Variants in OPN1SW observed in about 807,000 individuals in gnomAD.
The protein encoded by OPN1SW is opsin 1, short wave sensitive.
OPN1SW carries 25 observed loss-of-function variants against 31.9 expected under a neutral mutation model. The observed-to-expected ratio is 0.78, with a 90% CI of 0.57 to 1.09. The LOEUF is 1.09. Ranked by LOEUF, OPN1SW falls within the 50% of genes least tolerant of loss-of-function variation. The pLI, the probability that OPN1SW is intolerant of heterozygous loss-of-function variation, is 0.00. For synonymous variants in OPN1SW, 190 were observed against 171.9 expected, an observed-to-expected ratio of 1.11 and a Z score of -0.82; for missense variants, 424 against 448.0, an observed-to-expected ratio of 0.95 and a Z score of 0.48.
At chr7:128,775,402 C>A (rs1801739071) in intron 1 of OPN1SW, 37 bp downstream of exon 1, 2 of 1,587,418 alleles carry the variant, frequency 1.3e-6, no homozygotes, top group Admixed American at 3.4e-5. Context: ...GAGTAGCAAC[C>A]TTTGCCTTCC....
intron 3 of OPN1SW, 152 bp from the exon 4 acceptor site, chr7:128,774,040 G>T (rs1801700169): frequency 9.2e-7 from 1 of 1,089,198 alleles, no homozygotes; most frequent in Non-Finnish European, 1.3e-6. Context: ...TGCAGTCTCG[G>T]CTCACTGAAC....
At chr7:128,772,796 TC>T in intron 4 of OPN1SW, 137 bp from the exon 5 acceptor site, 2 of 1,141,474 alleles carry the variant, frequency 1.8e-6, no homozygotes, top group South Asian at 1.3e-5. Context: ...GAATCTATCT[TC>T]CCCATCCTGA....
Position 128,774,663 on chromosome 7 carries a change from C to T in OPN1SW, c.513G>A (p.Arg171=). 1.2e-6 allele frequency: 2 copies of T among 1,614,110 alleles called. No individual in the cohort carries two copies. The highest frequency in any genetic ancestry group is 1.7e-6 in the Non-Finnish European group (2 of 1,180,024). Residue 171 remains arginine (R), a splice_region_variant and synonymous_variant, in exon 3 of 5, where the codon CGG becomes CGA. Coordinates refer to ENST00000249389, the MANE Select transcript of OPN1SW (RefSeq NM_001385125.1). ...VSIPPFFGWS[R]FIPEGLQCSC... The stretch of plus-strand genomic sequence containing the variant: ...AACACTGCAGGCCCTCAGGGATGAA[C>T]CTGCAAAGGACCAAACACTTGCTCA...
rs1319861973 is a variant in OPN1SW at position 128,775,446 on chromosome 7, A to C, written c.336T>G (p.Thr112=). 1 of 1,613,334 alleles carries C rather than the reference A, an allele frequency of 6.2e-7. No individual in the cohort carries two copies. The highest frequency in any genetic ancestry group is 8.5e-7 in the Non-Finnish European group (1 of 1,179,562). Residue 112 remains threonine (T), a synonymous_variant, in exon 1 of 5, where the codon ACT becomes ACG. Transcript: ENST00000249389. ...HVCALEGFLG[T]VAGLVTGWSL... is the part of the protein sequence containing the mutation. ...CTTTTTCCCCTGCAGTACCTGCTAC[A>C]GTGCCCAGGAAGCCCTCCAAAGCAC...
In OPN1SW at chr7:128,772,618, C is replaced by T. The variant is rs755147227; in HGVS notation, c.960G>A (p.Met320Ile). ...CIMKMVCGKA[M>I]TDESDTCSSQ... ...AGCTGCATGTGTCGGATTCATCTGT[C>T]ATGGCCTTCCCACACACCATCTTCA... is the stretch of plus-strand genomic sequence containing the variant. The change falls in exon 5 of 5, where the codon ATG becomes ATA. Residue 320 changes from methionine to isoleucine, a missense_variant. Met to Ile is a conservative substitution (Grantham distance 10, BLOSUM62 1). Transcript: ENST00000249389. 5.6e-6 allele frequency: 9 copies of T among 1,614,152 alleles called. No homozygotes were observed. Among genetic ancestry groups the T allele is most frequent in the Non-Finnish European group, 2.5e-6 (3 of 1,180,024 alleles).
At chr7:128,774,919 A>G in intron 2 of OPN1SW, 67 bp downstream of exon 2, 1 of 1,598,108 alleles carries the variant, frequency 6.3e-7, no homozygotes, top group Non-Finnish European at 8.6e-7. Context: ...GTTATACCCA[A>G]GCTCTCTTTC....
intron 1 of OPN1SW, 111 bp from the exon 2 acceptor site, chr7:128,775,265 ATTTGG>A: frequency 7.5e-7 from 1 of 1,339,804 alleles, no homozygotes; most frequent in Non-Finnish European, 1.0e-6. Flanking sequence ...CTGGACTGAC[ATTTGG>A]AGTGAAGACT....
chr7:128,774,170 G>A (rs547828333), intron 3 of OPN1SW, among the ~76,000 whole-genome samples: 1 of 152,158 alleles, frequency 6.6e-6, no homozygotes, highest in African/African-American at 2.4e-5. Flanking sequence ...TGTAGGCCAG[G>A]CTGGTCTGGA....
rs1419872501 is a variant in OPN1SW at position 128,774,531 on chromosome 7, G to A, written c.645C>T (p.Phe215=). The A allele has an allele frequency of 6.2e-7, 1 of 1,614,066 alleles. No individual in the cohort carries two copies. The highest frequency in any genetic ancestry group is 1.7e-5 in the Admixed American group (1 of 60,024). Residue 215 remains phenylalanine (F), a synonymous_variant, in exon 3 of 5, where the codon TTC becomes TTT. Transcript: ENST00000249389. ...CFIVPLSLIC[F]SYTQLLRALK... ...GGGCCCTCAGCAGCTGAGTGTAGGA[G>A]AAGCAGATGAGGGAGAGAGGCACAA...
rs141305506 is a variant in OPN1SW, at chr7:128,775,514, C to T, written c.268G>A (p.Val90Ile). ...LCIFSVFPVF[V>I]ASCNGYFVFG... ...ACGAAGTATCCGTTACAGCTGGCGA[C>T]GAAGACAGGGAAGACAGAGAAGATG... Residue 90 changes from valine (V) to isoleucine (I), a missense_variant, in exon 1 of 5, where the codon GTC (valine) becomes ATC (isoleucine). By Grantham distance (29) the Val-to-Ile change is conservative. Transcript: ENST00000249389. 2.5e-4 allele frequency: 409 copies of T among 1,613,964 alleles called. No homozygotes were observed. Among genetic ancestry groups the T allele is most frequent in the Non-Finnish European group, 3.0e-4 (352 of 1,179,956 alleles).
At chr7:128,774,896 C>G in intron 2 of OPN1SW, 90 bp downstream of exon 2, 1 of 1,550,738 alleles carries the variant, frequency 6.4e-7, no homozygotes, top group Non-Finnish European at 8.8e-7. Flanking sequence ...AAGTAGAGGT[C>G]AAAGACTAAA....
rs201738858 is a variant in OPN1SW at position 128,774,519 on chromosome 7, C to T, written c.657G>A (p.Gln219=). The change falls in exon 3 of 5, where the codon CAG becomes CAA. Residue 219 remains glutamine (Q), a synonymous_variant. Coordinates refer to ENST00000249389, the MANE Select transcript of OPN1SW (RefSeq NM_001385125.1). The part of the protein sequence containing the change: ...PLSLICFSYT[Q]LLRALKAVAA... ...TCACAGCTTTCAGGGCCCTCAGCAG[C>T]TGAGTGTAGGAGAAGCAGATGAGGG... 6.4e-5 allele frequency: 103 copies of T among 1,613,992 alleles called. No individual in the cohort carries two copies. The African/African-American group carries it at 1.0e-3, about 16-fold the overall frequency.
Position 128,773,990 on chromosome 7 carries a change from A to G in OPN1SW, c.679-102T>C, listed in dbSNP as rs1801698870. 2.1e-6 allele frequency: 3 copies of G among 1,406,160 alleles called. No homozygotes were observed. The South Asian group carries it at 4.2e-5, about 20-fold the overall frequency. 87.1% of individuals were successfully genotyped at this position (1,406,160 alleles called of 1,614,324 possible). A position where few individuals can be genotyped will look rare whatever the true frequency, so the allele number is the denominator to read the frequency against. ...TTTAATTTTTAATTTTCTTTTTGAG[A>G]CCGAGTCTCGCTCTGTTGCCCAGGC... On this transcript the variant is annotated intron_variant, in intron 3 of 4. Transcript: ENST00000249389.
chr7:128,775,390 T>G, intron 1 of OPN1SW, 49 bp downstream of exon 1: 2 of 1,553,580 alleles, frequency 1.3e-6, no homozygotes, highest in South Asian at 2.3e-5. Context: ...CCCCCTCCAG[T>G]GGAGTAGCAA....
chr7:128,773,168 A>G (rs1801662212), intron 4 of OPN1SW, among the ~76,000 whole-genome samples: 1 of 152,242 alleles, frequency 6.6e-6, no homozygotes, highest in Admixed American at 6.5e-5. Flanking sequence ...TGCATGTGGT[A>G]TGATTTCTGT....
In OPN1SW at chr7:128,775,053, T is replaced by C; in HGVS notation, c.445A>G (p.Thr149Ala). 1 of 1,614,214 alleles carries C rather than the reference T, an allele frequency of 6.2e-7. No homozygotes were observed. Among genetic ancestry groups the C allele is most frequent in the Non-Finnish European group, 8.5e-7 (1 of 1,180,034 alleles). ...NFRFSSKHAL[T>A]VVLATWTIGI... ...ATGGTCCAGGTAGCCAGGACCACCG[T>C]CAGTGCATGCTTGGAGCTGAAGCGG... The change falls in exon 2 of 5, where the codon ACG (threonine) becomes GCG (alanine). Residue 149 changes from threonine to alanine, a missense_variant. Thr to Ala is a moderately conservative substitution (Grantham distance 58, BLOSUM62 0). Transcript: ENST00000249389.
rs148455631 is a variant in OPN1SW at position 128,775,500 on chromosome 7, G to A, written c.282C>T (p.Asn94=). The change falls in exon 1 of 5, where the codon AAC becomes AAT. Residue 94 remains asparagine, a synonymous_variant. Coordinates refer to ENST00000249389, the MANE Select transcript of OPN1SW (RefSeq NM_001385125.1). ...SVFPVFVASC[N]GYFVFGRHVC... ...CATGGCGACCGAAGACGAAGTATCC[G>A]TTACAGCTGGCGACGAAGACAGGGA... is the stretch of plus-strand genomic sequence containing the variant. 1.8e-4 allele frequency: 293 copies of A among 1,613,978 alleles called. 1 individual carries two copies. The highest frequency in any genetic ancestry group is 1.3e-3 in the Admixed American group (80 of 60,004).
intron 1 of OPN1SW, 32 bp downstream of exon 1, chr7:128,775,407 C>T (rs763962437): frequency 2.5e-6 from 4 of 1,593,272 alleles, no homozygotes; most frequent in East Asian, 4.5e-5. Context: ...GCAACCTTTG[C>T]CTTCCCCTAA....
At chr7:128,774,381 G>C in intron 3 of OPN1SW, 117 bp downstream of exon 3, 1 of 1,375,562 alleles carries the variant, frequency 7.3e-7, no homozygotes. Flanking sequence ...TTCCTTTGCT[G>C]CTTTTAGATA....
Sources: gnomAD v4.1 joint callset for allele counts (sites outside exome capture counted in the v4.1 genomes callset) on GRCh38, gnomAD v4.1.1 for gene constraint, MANE v1.5 for transcripts, NCBI Gene and HGNC (gene_info 2026-07-23, HGNC 2026-07-21) for gene names.